KHDRBS2: variants seen among roughly 807,000 people sequenced by gnomAD.
KHDRBS2 encodes KH RNA binding domain containing, signal transduction associated 2, also known as KH domain-containing, RNA-binding, signal transduction-associated protein 2.
A neutral mutation model predicts 44.3 loss-of-function variants in KHDRBS2; 26 were observed. The ratio of observed to expected loss-of-function variants is 0.59; its 90% confidence interval spans 0.43 to 0.81. The LOEUF is 0.81. Among genes scored for constraint, KHDRBS2 ranks in the 40% least tolerant of loss-of-function variants. The probability of loss-of-function intolerance (pLI) is 0.00; values close to 1 mark genes in which losing one functional copy is unlikely to be tolerated. For synonymous variants in KHDRBS2, 194 were observed against 151.1 expected (o/e 1.28, Z -2.08); for missense variants, 476 against 433.1 (o/e 1.10, Z -0.88).
intron 3 of KHDRBS2, among the ~76,000 whole-genome samples, chr6:62,005,812 T>G (rs1338985267): frequency 6.6e-6 from 1 of 151,794 alleles, no homozygotes; most frequent in East Asian, 1.9e-4. Flanking sequence ...TCAAAACCAC[T>G]AAATAGAGCT....
At chr6:61,555,414 A>G in the KHDRBS2 span, among the ~76,000 whole-genome samples, 1 of 152,108 alleles carries the variant, frequency 6.6e-6, no homozygotes, top group African/African-American at 2.4e-5. Context: ...TGTATCATTT[A>G]TTGTATTCTT....
chr6:62,068,580 T>A (rs915893712), intron 2 of KHDRBS2, among the ~76,000 whole-genome samples: 1 of 151,552 alleles, frequency 6.6e-6, no homozygotes, highest in Non-Finnish European at 1.5e-5. Context: ...TACCACTGCC[T>A]AACCTAGATT....
chr6:61,824,516 T>C (rs1425766107), intron 6 of KHDRBS2, among the ~76,000 whole-genome samples: 1 of 152,108 alleles, frequency 6.6e-6, no homozygotes, highest in African/African-American at 2.4e-5. Context: ...CCTGTCTTCA[T>C]AAACTACCGA....
At chr6:61,916,904 A>C (rs759844014) in intron 4 of KHDRBS2, among the ~76,000 whole-genome samples, 12 of 151,684 alleles carry the variant, frequency 7.9e-5, no homozygotes, top group Non-Finnish European at 1.5e-4. Context: ...TAGAATACGG[A>C]AAATCCAGAA....
chr6:61,991,146 G>A (rs896560689), intron 3 of KHDRBS2, among the ~76,000 whole-genome samples: 3 of 152,040 alleles, frequency 2.0e-5, no homozygotes, highest in South Asian at 2.1e-4. Flanking sequence ...GAAATACAAC[G>A]TTTAGACCAC....
chr6:61,594,141 A>G, the KHDRBS2 span, among the ~76,000 whole-genome samples: 2 of 152,258 alleles, frequency 1.3e-5, no homozygotes, highest in East Asian at 3.9e-4. Flanking sequence ...AATTTTACTC[A>G]CAAAAGTATG....
At chr6:61,674,799 T>G in the KHDRBS2 span, among the ~76,000 whole-genome samples, 1 of 151,696 alleles carries the variant, frequency 6.6e-6, no homozygotes, top group Non-Finnish European at 1.5e-5. Flanking sequence ...ACTGATCACT[T>G]TTCTCTCTTC....
chr6:62,267,000 AG>A (rs1388045143), intron 1 of KHDRBS2, among the ~76,000 whole-genome samples: 4 of 152,006 alleles, frequency 2.6e-5, no homozygotes, highest in African/African-American at 9.7e-5. Context: ...TAGTAGTACA[AG>A]TAAGTTTCTA....
At chr6:62,236,082 C>G (rs1045200247) in intron 1 of KHDRBS2, among the ~76,000 whole-genome samples, 4 of 152,028 alleles carry the variant, frequency 2.6e-5, no homozygotes, top group African/African-American at 9.6e-5. Context: ...AATTCATTTT[C>G]AAAATAATTT....
intron 8 of KHDRBS2, among the ~76,000 whole-genome samples, chr6:61,682,344 C>T (rs1766393168): frequency 6.6e-6 from 1 of 151,818 alleles, no homozygotes; most frequent in South Asian, 2.1e-4. Flanking sequence ...ACAACTGATA[C>T]CTGATAATAA....
At chr6:61,878,618 G>A (rs191974396) in intron 6 of KHDRBS2, among the ~76,000 whole-genome samples, 1 of 152,120 alleles carries the variant, frequency 6.6e-6, no homozygotes, top group African/African-American at 2.4e-5. Flanking sequence ...CTGGACGTAA[G>A]CTTTCATATC....
chr6:61,978,078 T>A lies in KHDRBS2; in HGVS notation c.471A>T (p.Lys157Asn). The A allele has an allele frequency of 1.3e-6, 2 of 1,589,884 alleles. No homozygotes were observed. The highest frequency in any genetic ancestry group is 1.7e-6 in the Non-Finnish European group (2 of 1,173,032). The change falls in exon 4 of 9, where the codon AAA becomes AAT. Residue 157 changes from lysine (K) to asparagine (N), a missense_variant. Transcript: ENST00000281156. The stretch of plus-strand genomic sequence containing the variant: ...GAAAGACACTTACAGGAACCAGGAA[T>A]TTTTTAATCTCTTCCAATGCATGAC... The part of the protein sequence containing the change: ...RMSHALEEIK[K>N]FLVPDYNDEI...
chr6:62,275,033 AC>A (rs1725870877), intron 1 of KHDRBS2, among the ~76,000 whole-genome samples: 1 of 151,546 alleles, frequency 6.6e-6, no homozygotes, highest in African/African-American at 2.4e-5. Flanking sequence ...ACACACACAC[AC>A]ACACACACAT....
chr6:62,257,868 C>T (rs1837657170), intron 1 of KHDRBS2, among the ~76,000 whole-genome samples: 1 of 151,934 alleles, frequency 6.6e-6, no homozygotes, highest in African/African-American at 2.4e-5. Context: ...CTGGTCTTTA[C>T]CCAATTACAG....
intron 4 of KHDRBS2, among the ~76,000 whole-genome samples, chr6:61,955,128 A>C (rs1232321544): frequency 6.9e-6 from 1 of 145,274 alleles, no homozygotes; most frequent in African/African-American, 2.5e-5. Context: ...ATATATGTAT[A>C]CATATGTATA....
At chr6:61,819,511 A>G (rs1207374823) in intron 6 of KHDRBS2, among the ~76,000 whole-genome samples, 1 of 151,990 alleles carries the variant, frequency 6.6e-6, no homozygotes, top group Non-Finnish European at 1.5e-5. Context: ...TCTATAAACA[A>G]TATCAATATT....
chr6:61,955,249 CAT>C (rs1206122205), intron 4 of KHDRBS2, among the ~76,000 whole-genome samples: 15 of 141,884 alleles, frequency 1.1e-4, no homozygotes, highest in African/African-American at 2.9e-4. Context: ...TGTATGTATA[CAT>C]ATATATGTAT....
intron 2 of KHDRBS2, among the ~76,000 whole-genome samples, chr6:62,133,933 C>A (rs185676757): frequency 6.6e-6 from 1 of 152,000 alleles, no homozygotes; most frequent in African/African-American, 2.4e-5. Context: ...GTGACTTGGG[C>A]GCTGTAAAAA....
chr6:61,545,352 G>A, the KHDRBS2 span, among the ~76,000 whole-genome samples: 1 of 152,020 alleles, frequency 6.6e-6, no homozygotes, highest in Non-Finnish European at 1.5e-5. Context: ...CCTTTCCCAA[G>A]ATAGATTTAG....
Sources: allele counts gnomAD v4.1 joint callset (sites outside exome capture counted in the v4.1 genomes callset), GRCh38; gene constraint gnomAD v4.1.1; transcripts MANE v1.5; gene names NCBI Gene and HGNC (gene_info 2026-07-23, HGNC 2026-07-21).